TMC2: variants seen among roughly 807,000 people sequenced by gnomAD.
TMC2 encodes the protein transmembrane channel like 2.
In TMC2, 102 loss-of-function variants were observed where a neutral mutation model predicts 105.9. The ratio of observed to expected loss-of-function variants is 0.96; its 90% confidence interval spans 0.82 to 1.14. The LOEUF (loss-of-function observed/expected upper bound fraction) is 1.14, where lower values mean the gene tolerates loss of function less well. Among genes scored for constraint, TMC2 ranks in the 50% most tolerant of loss-of-function variants. The pLI, the probability that TMC2 is intolerant of heterozygous loss-of-function variation, is 0.00. For synonymous variants in TMC2, 402 were observed against 422.8 expected, an observed-to-expected ratio of 0.95 and a Z score of 0.60; for missense variants, 1,093 against 1,134.3, an observed-to-expected ratio of 0.96 and a Z score of 0.52.
chr20:2,538,489 C>T (rs1452001333), intron 2 of TMC2, among the ~76,000 whole-genome samples: 4 of 152,156 alleles, frequency 2.6e-5, no homozygotes, highest in Admixed American at 2.6e-4. Context: ...GTAGTGACCA[C>T]TGCCTGTAGG....
chr20:2,574,665 A>C (rs2086130117), intron 5 of TMC2, among the ~76,000 whole-genome samples: 1 of 152,226 alleles, frequency 6.6e-6, no homozygotes, highest in Non-Finnish European at 1.5e-5. Flanking sequence ...TGTTAACAGA[A>C]AGTCGCATAT....
At chr20:2,587,508 C>T (rs1341004045) in intron 7 of TMC2, among the ~76,000 whole-genome samples, 1 of 137,268 alleles carries the variant, frequency 7.3e-6, no homozygotes, top group Non-Finnish European at 1.5e-5. Context: ...CACTATTAGA[C>T]CTCATAAAGT....
chr20:2,567,701 G>T (rs1046113336), intron 4 of TMC2, among the ~76,000 whole-genome samples: 1 of 151,984 alleles, frequency 6.6e-6, no homozygotes, highest in Non-Finnish European at 1.5e-5. Context: ...GCCCGACAAA[G>T]GTTTTAAAGC....
rs112810595 is a variant in TMC2, at chr20:2,539,990, C to T, written c.82+2674C>T. 4.0e-3 allele frequency among the ~76,000 whole-genome samples: 461 copies of T among 115,084 alleles called. 6 individuals are homozygous for T. The highest frequency in any genetic ancestry group is 0.014 in the African/African-American group (413 of 29,220). The allele number at this position is 115,084 out of a possible 152,430, so 75.5% of individuals were successfully genotyped here. A position where few individuals can be genotyped will look rare whatever the true frequency, so the allele number is the denominator to read the frequency against. On this transcript the variant is annotated intron_variant, in intron 2 of 19. Coordinates refer to ENST00000358864, the MANE Select transcript of TMC2 (RefSeq NM_080751.3). ...CAAGACTATTCTTTTCTTTTCTTTTCTTTTTTTTTTTTTTTTTTGAGATGG... is the reference window on the plus strand; with the variant it reads ...CAAGACTATTCTTTTCTTTTCTTTTTTTTTTTTTTTTTTTTTTTGAGATGG...
chr20:2,607,014 CATT>C (rs1427981172), intron 11 of TMC2, among the ~76,000 whole-genome samples: 4 of 149,228 alleles, frequency 2.7e-5, no homozygotes, highest in Non-Finnish European at 5.9e-5. Flanking sequence ...TTTGAATACT[CATT>C]ATAATTTTTT....
chr20:2,593,256 T>C (rs1390142665), intron 8 of TMC2, among the ~76,000 whole-genome samples: 3 of 152,018 alleles, frequency 2.0e-5, no homozygotes, highest in African/African-American at 7.3e-5. Context: ...GGGGAAACTG[T>C]CCCCATGATC....
At chr20:2,630,005 G>A (rs1389367871) in intron 17 of TMC2, among the ~76,000 whole-genome samples, 2 of 152,190 alleles carry the variant, frequency 1.3e-5, no homozygotes, top group Non-Finnish European at 2.9e-5. Flanking sequence ...AAAGTTTGCT[G>A]ATCCCTAATG....
Position 2,637,465 on chromosome 20 carries a change from T to C in TMC2, c.2386-9T>C. 6.3e-7 allele frequency: 1 copy of C among 1,591,764 alleles called. No homozygotes were observed. ...TGGGCCAGGACCAACAGTTCATTAT[T>C]TCCTGCAGCTCCGTGAAGTTGAGAA... is the stretch of plus-strand genomic sequence containing the variant. On this transcript the variant is annotated splice_polypyrimidine_tract_variant and intron_variant, in intron 18 of 19. Transcript: ENST00000358864.
chr20:2,636,144 A>G (rs2086641401), intron 18 of TMC2, 140 bp downstream of exon 18: 1 of 680,290 alleles, frequency 1.5e-6, no homozygotes, highest in East Asian at 2.7e-5. Context: ...TATTATGGGA[A>G]GTAGCCTTGT....
chr20:2,553,538 T>TGTTTTGTGTGAC (rs71193975), intron 2 of TMC2, among the ~76,000 whole-genome samples: 102,524 of 151,686 alleles, frequency 0.68, 34,942 homozygotes, highest in African/African-American at 0.75. Context: ...GATACAGGTC[T>TGTTTTGTGTGAC]GTTTTTGTCT....
chr20:2,552,908 C>A (rs2085965235), intron 2 of TMC2, among the ~76,000 whole-genome samples: 1 of 152,124 alleles, frequency 6.6e-6, no homozygotes, highest in Non-Finnish European at 1.5e-5. Flanking sequence ...GAGTAATTGA[C>A]TTTTGCATAC....
At position 2,602,564 on chromosome 20, in the gene TMC2, G is replaced by A. The variant is rs553583523; in HGVS notation, c.1413+263G>A. The stretch of plus-strand genomic sequence containing the variant: ...GTGCAACACCAATTACTAACGAGGC[G>A]ATCCTTTCCTCACAGCTTTGCAGCG... On this transcript the variant is annotated intron_variant, in intron 11 of 19. Coordinates refer to ENST00000358864, the MANE Select transcript of TMC2 (RefSeq NM_080751.3). 5.2e-4 allele frequency among the ~76,000 whole-genome samples: 79 copies of A among 152,160 alleles called. 1 individual carries two copies. The highest frequency in any genetic ancestry group is 2.5e-4 in the Non-Finnish European group (17 of 68,022).
intron 18 of TMC2, 32 bp downstream of exon 18, chr20:2,636,036 TA>T (rs1458287758): frequency 1.9e-6 from 3 of 1,582,656 alleles, no homozygotes; most frequent in Admixed American, 1.7e-5. Context: ...TCCTGGACGG[TA>T]AAAAGAGATC....
chr20:2,565,422 T>G (rs1052345224), intron 4 of TMC2, among the ~76,000 whole-genome samples: 2 of 152,198 alleles, frequency 1.3e-5, no homozygotes, highest in African/African-American at 2.4e-5. Context: ...GTAGTTGTTG[T>G]TTTAGAGACA....
At chr20:2,551,672 G>A (rs2085957572) in intron 2 of TMC2, among the ~76,000 whole-genome samples, 1 of 152,084 alleles carries the variant, frequency 6.6e-6, no homozygotes, top group Non-Finnish European at 1.5e-5. Context: ...GTTAATTTTT[G>A]TGAAAGGCAT....
intron 14 of TMC2, among the ~76,000 whole-genome samples, chr20:2,614,741 C>T (rs975197845): frequency 1.3e-5 from 2 of 151,954 alleles, no homozygotes; most frequent in Non-Finnish European, 2.9e-5. Context: ...ATACTATCTA[C>T]ATGGGCCTTT....
rs527789244 is a variant in TMC2, at chr20:2,616,775, G to A, written c.1941-297G>A. On this transcript the variant is annotated intron_variant, in intron 15 of 19. Transcript: ENST00000358864. The surrounding 1 kb of genome is among the most constrained non-coding windows in gnomAD (Gnocchi z 4.8). ...GCAGCAATGCTGTTTTATGGAAACC[G>A]AGGAGAAACAGGCAGGAGACCGTAT... Among the ~76,000 whole-genome samples, 3 of 152,334 alleles carry A rather than the reference G, an allele frequency of 2.0e-5. No individual in the cohort carries two copies. The highest frequency in any genetic ancestry group is 1.9e-4 in the East Asian group (1 of 5,178).
intron 10 of TMC2, among the ~76,000 whole-genome samples, chr20:2,599,538 C>CT (rs1568519575): frequency 3.8e-5 from 4 of 104,062 alleles, no homozygotes; most frequent in East Asian, 3.2e-4. Flanking sequence ...TCTTTAATTA[C>CT]ATTTTTTTTT....
chr20:2,567,414 T>G (rs971862037), intron 4 of TMC2, among the ~76,000 whole-genome samples: 2 of 152,078 alleles, frequency 1.3e-5, no homozygotes, highest in African/African-American at 4.8e-5. Flanking sequence ...TCTTATAATA[T>G]CCAAAAGTCC....
Sources: allele counts gnomAD v4.1 joint callset (sites outside exome capture counted in the v4.1 genomes callset), GRCh38; gene constraint gnomAD v4.1.1; non-coding constraint Gnocchi (gnomAD v3.1); transcripts MANE v1.5; gene names NCBI Gene and HGNC (gene_info 2026-07-23, HGNC 2026-07-21).